Variants in FOCAD observed in about 807,000 individuals in gnomAD.
FOCAD encodes the protein focadhesin, also known as KIAA1797.
In FOCAD, 198 loss-of-function variants were observed where a neutral mutation model predicts 225.6. That is an observed-to-expected ratio of 0.88 (90% CI 0.78 to 0.99). FOCAD has a LOEUF of 0.99. Among genes scored for constraint, FOCAD ranks in the 50% least tolerant of loss-of-function variants. The pLI is 0.00. For missense variants in FOCAD, 2,713 were observed against 2,123.6 expected (o/e 1.28, Z -5.46); for synonymous variants, 897 against 755.0 (o/e 1.19, Z -3.08).
intron 11 of FOCAD, among the ~76,000 whole-genome samples, chr9:20,815,213 C>T (rs1176605263): frequency 2.8e-5 from 4 of 143,486 alleles, no homozygotes; most frequent in African/African-American, 1.0e-4. Flanking sequence ...CAGCTTGCTG[C>T]ACCCTCTGCC....
At chr9:20,768,146 C>A (rs927205274) in intron 7 of FOCAD, among the ~76,000 whole-genome samples, 1 of 148,170 alleles carries the variant, frequency 6.7e-6, no homozygotes, top group East Asian at 2.0e-4. Context: ...AGATATGCGG[C>A]GTTATTTCTG....
intron 2 of FOCAD, among the ~76,000 whole-genome samples, chr9:20,662,113 T>C (rs1229769270): frequency 6.6e-6 from 1 of 152,212 alleles, no homozygotes; most frequent in Admixed American, 6.5e-5. Flanking sequence ...GGACATGATT[T>C]CACAGTAAAC....
chr9:20,866,888 C>CATTTTTTTTTTT (rs1829315000), intron 17 of FOCAD, 41 bp from the exon 18 acceptor site: 1 of 327,982 alleles, frequency 3.0e-6, no homozygotes, highest in Admixed American at 6.9e-5. Flanking sequence ...TGTTTGCTTG[C>CATTTTTTTTTTT]TTTTTTTTTT....
chr9:20,878,423 G>A (rs1211338195), intron 19 of FOCAD, among the ~76,000 whole-genome samples: 3 of 152,060 alleles, frequency 2.0e-5, no homozygotes, highest in Non-Finnish European at 2.9e-5. Flanking sequence ...GTTATTGCTC[G>A]GCCATTGGAA....
chr9:20,827,498 G>A (rs547627827), intron 15 of FOCAD, among the ~76,000 whole-genome samples: 1 of 151,726 alleles, frequency 6.6e-6, no homozygotes, highest in African/African-American at 2.4e-5. Context: ...TGTGGCGTGT[G>A]TGTGTGTGTG....
At chr9:20,971,691 A>G (rs1839781494) in intron 35 of FOCAD, among the ~76,000 whole-genome samples, 1 of 152,180 alleles carries the variant, frequency 6.6e-6, no homozygotes, top group Non-Finnish European at 1.5e-5. Flanking sequence ...GTTATGAAAC[A>G]GTTCTCCAGA....
chr9:20,660,114 C>T (rs1261090112), intron 2 of FOCAD, among the ~76,000 whole-genome samples: 1 of 152,070 alleles, frequency 6.6e-6, no homozygotes, highest in Non-Finnish European at 1.5e-5. Flanking sequence ...TGGACAGGTT[C>T]AGTGGTAGCT....
chr9:20,900,444 T>G (rs1564129093), intron 21 of FOCAD, among the ~76,000 whole-genome samples: 3 of 151,984 alleles, frequency 2.0e-5, no homozygotes, highest in African/African-American at 4.8e-5. Context: ...TCTTTTTACC[T>G]AATAAATTAA....
At chr9:20,877,895 G>T (rs1830358243) in intron 19 of FOCAD, among the ~76,000 whole-genome samples, 1 of 151,964 alleles carries the variant, frequency 6.6e-6, no homozygotes, top group Non-Finnish European at 1.5e-5. Flanking sequence ...GCAACAGAGA[G>T]ACTCCATCTC....
upstream of FOCAD, among the ~76,000 whole-genome samples, chr9:20,657,108 C>T (rs1487998253): frequency 6.6e-6 from 1 of 152,150 alleles, no homozygotes; most frequent in African/African-American, 2.4e-5. Flanking sequence ...TATTGGCCCC[C>T]ACTCTCTTCT....
At chr9:20,880,005 A>G (rs545256558) in intron 19 of FOCAD, among the ~76,000 whole-genome samples, 2 of 152,290 alleles carry the variant, frequency 1.3e-5, no homozygotes, top group East Asian at 3.9e-4. Flanking sequence ...CAGTTGATTC[A>G]TAGCTGCATT....
intron 15 of FOCAD, among the ~76,000 whole-genome samples, chr9:20,846,154 G>A (rs987786584): frequency 1.3e-5 from 2 of 152,080 alleles, no homozygotes; most frequent in Non-Finnish European, 2.9e-5. Flanking sequence ...CACTTCCTCA[G>A]CCTCGTGTGC....
intron 15 of FOCAD, among the ~76,000 whole-genome samples, chr9:20,854,963 T>G (rs1828021278): frequency 6.6e-6 from 1 of 151,810 alleles, no homozygotes; most frequent in Admixed American, 6.6e-5. Flanking sequence ...ATTCAACTAA[T>G]TTTCACAGAA....
chr9:20,672,961 G>A (rs1051744178), intron 2 of FOCAD, among the ~76,000 whole-genome samples: 1 of 152,014 alleles, frequency 6.6e-6, no homozygotes, highest in African/African-American at 2.4e-5. Context: ...CTGATAATTA[G>A]GCATCAATTT....
At chr9:20,758,268 TTTG>T in intron 6 of FOCAD, 77 bp downstream of exon 6, 30 of 940,336 alleles carry the variant, frequency 3.2e-5, no homozygotes, top group Non-Finnish European at 3.4e-5. Context: ...AGGGTTTTTT[TTTG>T]TTTGTTTGTT....
chr9:20,752,126 G>A (rs1299331784), intron 5 of FOCAD, among the ~76,000 whole-genome samples: 2 of 148,922 alleles, frequency 1.3e-5, no homozygotes, highest in African/African-American at 2.5e-5. Context: ...CACTCTGATG[G>A]TAGTTTCTTT....
chr9:20,831,676 T>C (rs1284745427), intron 15 of FOCAD, among the ~76,000 whole-genome samples: 1 of 152,092 alleles, frequency 6.6e-6, no homozygotes, highest in Admixed American at 6.6e-5. Context: ...CCTGTATGTT[T>C]CTTTTTTCTT....
In FOCAD at chr9:20,969,562, A is replaced by G. The variant is rs1418574758; in HGVS notation, c.4133-6858A>G. Among the ~76,000 whole-genome samples, 6 of 151,876 alleles carry G rather than the reference A, an allele frequency of 4.0e-5. No individual in the cohort carries two copies. The East Asian group carries it at 1.2e-3, about 29-fold the overall frequency. On this transcript the variant is annotated intron_variant, in intron 35 of 43. Coordinates refer to ENST00000338382, the MANE Select transcript of FOCAD (RefSeq NM_001375567.1). ...AAAAATTCTGCTCTTATAAAGTTCT[A>G]TTTCTCCCTTTCATGTTATTACTGT...
intron 11 of FOCAD, among the ~76,000 whole-genome samples, chr9:20,813,607 A>G (rs1823321767): frequency 6.6e-6 from 1 of 152,152 alleles, no homozygotes; most frequent in Admixed American, 6.6e-5. Flanking sequence ...ACTTAGTGTG[A>G]TTTCAGTCTT....
Sources: gnomAD v4.1 joint callset for allele counts (sites outside exome capture counted in the v4.1 genomes callset) on GRCh38, gnomAD v4.1.1 for gene constraint, MANE v1.5 for transcripts, NCBI Gene and HGNC (gene_info 2026-07-23, HGNC 2026-07-21) for gene names.